CPNE4: variants seen among roughly 807,000 people sequenced by gnomAD.
CPNE4 encodes copine-4.
CPNE4 carries 25 observed loss-of-function variants against 67.9 expected under a neutral mutation model. The ratio of observed to expected loss-of-function variants is 0.37; its 90% CI spans 0.27 to 0.51. The LOEUF is 0.51. CPNE4 is among the 20% of genes least tolerant of loss of function. The pLI is 0.93. For missense variants in CPNE4, 464 were observed against 690.8 expected (o/e 0.67, Z 3.68); for synonymous variants, 242 against 244.9 (o/e 0.99, Z 0.11).
At chr3:132,007,316 T>C (rs1028413037) in intron 1 of CPNE4, among the ~76,000 whole-genome samples, 6 of 152,164 alleles carry the variant, frequency 3.9e-5, no homozygotes, top group African/African-American at 1.4e-4. Flanking sequence ...TTATCAAGTT[T>C]AATCTTCAAG....
At chr3:131,743,924 C>G (rs543413260) in intron 2 of CPNE4, among the ~76,000 whole-genome samples, 4 of 120,412 alleles carry the variant, frequency 3.3e-5, no homozygotes, top group Admixed American at 1.1e-4. Flanking sequence ...GATCGCGCCA[C>G]TGCACTCCAG....
chr3:131,949,362 T>C (rs1363792315), intron 1 of CPNE4, among the ~76,000 whole-genome samples: 6 of 152,204 alleles, frequency 3.9e-5, no homozygotes, highest in Non-Finnish European at 8.8e-5. Context: ...TAGATTAAAA[T>C]GTCAATCATG....
At chr3:131,729,504 G>T (rs1356220055) in intron 2 of CPNE4, among the ~76,000 whole-genome samples, 1 of 152,160 alleles carries the variant, frequency 6.6e-6, no homozygotes, top group Non-Finnish European at 1.5e-5. Context: ...GATTTTAAGT[G>T]ACTGGCCTCA....
rs150699760 is a variant in CPNE4, at chr3:131,915,650, G to A, written c.-1-10206C>T. Among the ~76,000 whole-genome samples the A allele has an allele frequency of 2.4e-3, 358 of 152,178 alleles. 1 individual carries two copies. The highest frequency in any genetic ancestry group is 7.9e-3 in the African/African-American group (329 of 41,540). ...ATATGCATACATGAATGTTTTTCTGGAACATACCATACCAAATCTCTCAGA... is the reference window on the plus strand; with the variant it reads ...ATATGCATACATGAATGTTTTTCTGAAACATACCATACCAAATCTCTCAGA... On this transcript the variant is annotated intron_variant, in intron 1 of 15. Coordinates refer to ENST00000429747, the MANE Select transcript of CPNE4 (RefSeq NM_130808.3).
At chr3:131,958,652 T>C (rs1272854671) in intron 1 of CPNE4, among the ~76,000 whole-genome samples, 1 of 131,304 alleles carries the variant, frequency 7.6e-6, no homozygotes, top group African/African-American at 3.1e-5. Context: ...TGAGACAGAG[T>C]CTTGCACTGT....
chr3:131,924,427 C>G (rs2070836193), intron 1 of CPNE4, among the ~76,000 whole-genome samples: 1 of 151,978 alleles, frequency 6.6e-6, no homozygotes, highest in African/African-American at 2.4e-5. Flanking sequence ...AATTACCAAA[C>G]AGGAGAGTGA....
chr3:131,588,314 C>G (rs989141990), intron 7 of CPNE4, among the ~76,000 whole-genome samples: 1 of 152,172 alleles, frequency 6.6e-6, no homozygotes, highest in African/African-American at 2.4e-5. Flanking sequence ...CAGCAGCAAT[C>G]CCTGTGCTTG....
At chr3:131,666,828 T>G (rs1249810560) in intron 7 of CPNE4, among the ~76,000 whole-genome samples, 1 of 152,112 alleles carries the variant, frequency 6.6e-6, no homozygotes, top group Non-Finnish European at 1.5e-5. Flanking sequence ...GAGAACGAAC[T>G]GATTAAAGGA....
At chr3:131,804,939 C>T (rs1262394096) in intron 2 of CPNE4, among the ~76,000 whole-genome samples, 1 of 152,192 alleles carries the variant, frequency 6.6e-6, no homozygotes, top group Non-Finnish European at 1.5e-5. Context: ...TGCTGACTCA[C>T]ATAATAGTGA....
chr3:131,626,127 CTG>C lies in CPNE4; in HGVS notation c.682-38547_682-38546del, dbSNP rs1164959347. Among the ~76,000 whole-genome samples the C allele has an allele frequency of 2.0e-5, 3 of 152,278 alleles. No homozygotes were observed. In the East Asian group the frequency reaches 5.8e-4, roughly 29 times the overall value. ...TCTCTCTCCCTCTCCTTGGGCCTTC[CTG>C]TTTCCTTAGATACAACAATATTGAA... On this transcript the variant is annotated intron_variant, in intron 7 of 15. Coordinates refer to ENST00000429747, the MANE Select transcript of CPNE4 (RefSeq NM_130808.3).
chr3:131,711,311 C>G (rs1185496727), intron 3 of CPNE4, among the ~76,000 whole-genome samples: 1 of 152,170 alleles, frequency 6.6e-6, no homozygotes, highest in Non-Finnish European at 1.5e-5. Context: ...CTGCTTTTGT[C>G]TTCTCAATTT....
intron 7 of CPNE4, among the ~76,000 whole-genome samples, chr3:131,607,089 G>A (rs1395620753): frequency 6.6e-6 from 1 of 151,674 alleles, no homozygotes; most frequent in East Asian, 1.9e-4. Flanking sequence ...GTTTGTCAAA[G>A]AGAAGCAATT....
In CPNE4 at chr3:131,810,572, G is replaced by C. The variant is rs143146644; in HGVS notation, c.181-86947C>G. 3.7e-4 allele frequency among the ~76,000 whole-genome samples: 57 copies of C among 152,132 alleles called. No individual in the cohort carries two copies. The East Asian group carries it at 9.4e-3, about 25-fold the overall frequency. On this transcript the variant is annotated intron_variant, in intron 2 of 15. Transcript: ENST00000429747. ...AGGATTTGGCAGAAAGGGAACCCTT[G>C]TACACTGTTGGTGGGAGTATAAATT... is the stretch of plus-strand genomic sequence containing the variant.
intron 9 of CPNE4, among the ~76,000 whole-genome samples, chr3:131,579,458 GT>G (rs997261501): frequency 6.6e-6 from 1 of 152,130 alleles, no homozygotes; most frequent in Non-Finnish European, 1.5e-5. Context: ...CAACTTTCAA[GT>G]CTTCTTATTT....
intron 4 of CPNE4, among the ~76,000 whole-genome samples, chr3:131,697,898 T>G (rs2081191458): frequency 6.6e-6 from 1 of 152,158 alleles, no homozygotes. Flanking sequence ...AAGCCAATGT[T>G]TTGATCTAAA....
intron 2 of CPNE4, among the ~76,000 whole-genome samples, chr3:131,811,889 A>G (rs2084541428): frequency 6.6e-6 from 1 of 152,148 alleles, no homozygotes; most frequent in African/African-American, 2.4e-5. Context: ...AACAGTCTCA[A>G]AGAGTTAAGC....
chr3:131,576,734 C>A (rs973490058), intron 9 of CPNE4, among the ~76,000 whole-genome samples: 10 of 151,296 alleles, frequency 6.6e-5, no homozygotes, highest in African/African-American at 2.4e-4. Context: ...GTTTTTTTTT[C>A]ATAGGCAGGA....
Position 131,952,228 on chromosome 3 carries a change from T to A in CPNE4, c.-1-46784A>T, listed in dbSNP as rs979133836. Among the ~76,000 whole-genome samples the A allele has an allele frequency of 4.3e-5, 6 of 138,124 alleles. No homozygotes were observed. The South Asian group carries it at 7.2e-4, about 17-fold the overall frequency. 90.6% of individuals were successfully genotyped at this position (138,124 alleles called of 152,430 possible). On this transcript the variant is annotated intron_variant, in intron 1 of 15. Transcript: ENST00000429747. Reference sequence around the variant, plus strand: ...CTCTGCCCCGCCGCCCCGTCTGGGATGTGAGGAGCGCCTCTGCCCGGCCGC... The same window carrying A: ...CTCTGCCCCGCCGCCCCGTCTGGGAAGTGAGGAGCGCCTCTGCCCGGCCGC...
intron 2 of CPNE4, among the ~76,000 whole-genome samples, chr3:131,901,837 T>C (rs771158233): frequency 6.8e-6 from 1 of 147,746 alleles, no homozygotes; most frequent in Non-Finnish European, 1.5e-5. Flanking sequence ...TTTGAAACAT[T>C]TGCCAGTGTC....
Sources: allele counts gnomAD v4.1 joint callset (sites outside exome capture counted in the v4.1 genomes callset), GRCh38; gene constraint gnomAD v4.1.1; transcripts MANE v1.5; gene names NCBI Gene and HGNC (gene_info 2026-07-23, HGNC 2026-07-21).